The following LRFN5 variants were observed in gnomAD, a reference collection of about 807,000 sequenced individuals.
The protein encoded by LRFN5 is leucine-rich repeat and fibronectin type-III domain-containing protein 5.
A neutral mutation model predicts 45.6 loss-of-function variants in LRFN5; 24 were observed. That is an observed-to-expected ratio of 0.53 (90% CI 0.38 to 0.74). LRFN5 has a LOEUF of 0.74. Ranked by LOEUF, LRFN5 falls within the 30% of genes least tolerant of loss-of-function variation. The pLI, the probability that LRFN5 is intolerant of heterozygous loss-of-function variation, is 0.00. For missense variants in LRFN5, 776 were observed against 861.5 expected, an observed-to-expected ratio of 0.90 and a Z score of 1.24; for synonymous variants, 340 against 313.8, an observed-to-expected ratio of 1.08 and a Z score of -0.88.
At chr14:41,880,802 G>A (rs370458156) in intron 2 of LRFN5, among the ~76,000 whole-genome samples, 18 of 152,202 alleles carry the variant, frequency 1.2e-4, no homozygotes, top group East Asian at 9.7e-4. Flanking sequence ...GTGTTTTGAA[G>A]ATCTTCTGCT....
At chr14:41,654,724 A>G (rs143895506) in intron 1 of LRFN5, among the ~76,000 whole-genome samples, 1,920 of 152,254 alleles carry the variant, frequency 0.013, 30 homozygotes, top group Non-Finnish European at 0.022. Flanking sequence ...CAAAATGTAG[A>G]TCTTTGGTGT....
intron 2 of LRFN5, among the ~76,000 whole-genome samples, chr14:41,796,366 G>A (rs1164384694): frequency 6.6e-6 from 1 of 151,884 alleles, no homozygotes; most frequent in Non-Finnish European, 1.5e-5. Flanking sequence ...AATAAGCTTA[G>A]TGCATGTGAA....
intron 1 of LRFN5, among the ~76,000 whole-genome samples, chr14:41,680,974 A>G (rs565605736): frequency 6.6e-6 from 1 of 152,136 alleles, no homozygotes; most frequent in Non-Finnish European, 1.5e-5. Flanking sequence ...TGCAACTGAC[A>G]TAATGAAGAA....
At chr14:41,652,167 GT>G (rs1226552445) in intron 1 of LRFN5, among the ~76,000 whole-genome samples, 1 of 151,912 alleles carries the variant, frequency 6.6e-6, no homozygotes, top group Non-Finnish European at 1.5e-5. Flanking sequence ...TATTAAAATT[GT>G]TTTTAATATA....
chr14:41,751,776 A>C (rs1282434285), intron 1 of LRFN5, among the ~76,000 whole-genome samples: 2 of 151,978 alleles, frequency 1.3e-5, no homozygotes, highest in South Asian at 4.1e-4. Flanking sequence ...ATTTTTTTAA[A>C]ATTATACTTT....
intron 1 of LRFN5, among the ~76,000 whole-genome samples, chr14:41,630,201 T>C (rs1207732143): frequency 6.6e-6 from 1 of 152,060 alleles, no homozygotes; most frequent in South Asian, 2.1e-4. Context: ...GAAAAAACTT[T>C]TATCAATAAA....
intron 3 of LRFN5, among the ~76,000 whole-genome samples, chr14:41,889,011 A>G (rs1273366887): frequency 1.1e-4 from 16 of 148,592 alleles, no homozygotes; most frequent in Non-Finnish European, 2.2e-4. Context: ...ACATATATAT[A>G]TGTGTGTGTA....
At chr14:41,646,828 C>T (rs1397567794) in intron 1 of LRFN5, among the ~76,000 whole-genome samples, 2 of 152,146 alleles carry the variant, frequency 1.3e-5, no homozygotes, top group Admixed American at 1.3e-4. Context: ...AGCCACCTTT[C>T]AAAGTACAAC....
intron 1 of LRFN5, among the ~76,000 whole-genome samples, chr14:41,675,280 G>A (rs548321931): frequency 3.3e-5 from 5 of 152,334 alleles, no homozygotes; most frequent in East Asian, 1.9e-4. Flanking sequence ...GTAGCCAGCC[G>A]AGATCACGCC....
intron 1 of LRFN5, among the ~76,000 whole-genome samples, chr14:41,763,851 A>G (rs1208535455): frequency 1.3e-5 from 2 of 152,168 alleles, no homozygotes; most frequent in Non-Finnish European, 2.9e-5. Flanking sequence ...ATGAGAACAG[A>G]CTAATATGGC....
At chr14:41,831,458 C>T (rs1888477808) in intron 2 of LRFN5, among the ~76,000 whole-genome samples, 1 of 152,110 alleles carries the variant, frequency 6.6e-6, no homozygotes, top group African/African-American at 2.4e-5. Flanking sequence ...AATATAAACA[C>T]TCAATGTATG....
At chr14:41,676,144 A>C (rs997546000) in intron 1 of LRFN5, among the ~76,000 whole-genome samples, 1 of 152,180 alleles carries the variant, frequency 6.6e-6, no homozygotes, top group African/African-American at 2.4e-5. Context: ...ATATTTCAGC[A>C]AATGCCCCTT....
intron 1 of LRFN5, among the ~76,000 whole-genome samples, chr14:41,697,656 C>CTTTTT (rs202245507): frequency 1.8e-4 from 25 of 140,112 alleles, no homozygotes; most frequent in Middle Eastern, 4.3e-3. Flanking sequence ...CTTCACTGCT[C>CTTTTT]TTTTTTTTTT....
intron 2 of LRFN5, among the ~76,000 whole-genome samples, chr14:41,860,929 G>A (rs2139096936): frequency 6.6e-6 from 1 of 152,306 alleles, no homozygotes; most frequent in South Asian, 2.1e-4. Flanking sequence ...AATGCACTTT[G>A]AAAGAATACT....
intron 1 of LRFN5, among the ~76,000 whole-genome samples, chr14:41,640,493 A>G (rs9806022): frequency 0.018 from 2,708 of 152,200 alleles, 37 homozygotes; most frequent in Non-Finnish European, 0.024. Context: ...TGACCTTTTT[A>G]TATCAGATTG....
chr14:41,662,811 T>A (rs1000825540), intron 1 of LRFN5, among the ~76,000 whole-genome samples: 2 of 152,200 alleles, frequency 1.3e-5, no homozygotes, highest in East Asian at 3.9e-4. Context: ...ATTCCACAAC[T>A]GACTAACCTG....
Position 41,671,239 on chromosome 14 carries a change from T to A in LRFN5, c.-197+62677T>A, listed in dbSNP as rs189908349. On this transcript the variant is annotated intron_variant, in intron 1 of 5. Transcript: ENST00000298119. ...AATTAAGTTCTCAATATCGTAATCA[T>A]CTAAGATGAGAATATGGACTTATCT... Among the ~76,000 whole-genome samples, 36 of 152,280 alleles carry A rather than the reference T, an allele frequency of 2.4e-4. No homozygotes were observed. The Middle Eastern group carries it at 0.01, about 43-fold the overall frequency.
intron 1 of LRFN5, among the ~76,000 whole-genome samples, chr14:41,645,349 C>T (rs978470431): frequency 6.6e-6 from 1 of 152,182 alleles, no homozygotes; most frequent in East Asian, 1.9e-4. Flanking sequence ...GTCGTCCTGC[C>T]TCAGCCTCCA....
chr14:41,621,935 GGAGA>G (rs1252498707), intron 1 of LRFN5, among the ~76,000 whole-genome samples: 3 of 152,056 alleles, frequency 2.0e-5, no homozygotes, highest in South Asian at 2.1e-4. Flanking sequence ...AGGAAGGAAG[GGAGA>G]GAGAAAGTGG....
Sources: allele counts gnomAD v4.1 joint callset (sites outside exome capture counted in the v4.1 genomes callset), GRCh38; gene constraint gnomAD v4.1.1; transcripts MANE v1.5; gene names NCBI Gene and HGNC (gene_info 2026-07-23, HGNC 2026-07-21).